The following NKX2-1 variants were observed in gnomAD, a reference collection of about 807,000 sequenced individuals.
The protein encoded by NKX2-1 is homeobox protein Nkx-2.1.
A neutral mutation model predicts 35.1 loss-of-function variants in NKX2-1; 9 were observed. The observed-to-expected ratio is 0.26, with a 90% CI of 0.15 to 0.45. NKX2-1 has a LOEUF of 0.45. NKX2-1 is among the 20% of genes least tolerant of loss of function. The pLI is 1.00. For missense variants in NKX2-1, 509 were observed against 589.1 expected, an observed-to-expected ratio of 0.86 and a Z score of 1.41; for synonymous variants, 284 against 269.9, an observed-to-expected ratio of 1.05 and a Z score of -0.51.
In NKX2-1 at chr14:36,519,160, G is replaced by T; in HGVS notation, c.288C>A (p.Ala96=). 1 of 1,604,956 alleles carries T rather than the reference G, an allele frequency of 6.2e-7. No homozygotes were observed. Among genetic ancestry groups the T allele is most frequent in the East Asian group, 2.2e-5 (1 of 44,588 alleles). Residue 96 remains alanine, a synonymous_variant, in exon 2 of 3, where the codon GCC becomes GCA. Transcript: ENST00000354822. ...CCCCCGCCGCCGTCATGTGGTAGGC[G>T]GCGGTGACGGCGCCGTGGTGCCCCA... ...HAVGHHGAVT[A]AYHMTAAGVP... is the part of the protein sequence containing the mutation.
At position 36,517,094 on chromosome 14, in the gene NKX2-1, G is replaced by T; in HGVS notation, c.*184C>A. ...AAAAAAAAAACCCACAAATTTTAGG[G>T]GGGGAAAAAAAGAAAGACGTCCAGC... On this transcript the variant is annotated 3_prime_UTR_variant, in exon 3 of 3. Coordinates refer to ENST00000354822, the MANE Select transcript of NKX2-1 (RefSeq NM_001079668.3). 1.8e-6 allele frequency: 2 copies of T among 1,107,832 alleles called. No homozygotes were observed. The highest frequency in any genetic ancestry group is 1.2e-6 in the Non-Finnish European group (1 of 830,944). 68.6% of individuals were successfully genotyped at this position (1,107,832 alleles called of 1,614,324 possible).
Position 36,517,493 on chromosome 14 carries a change from C to A in NKX2-1, c.991G>T (p.Ala331Ser). 7.4e-7 allele frequency: 1 copy of A among 1,349,232 alleles called. No individual in the cohort carries two copies. The highest frequency in any genetic ancestry group is 9.5e-7 in the Non-Finnish European group (1 of 1,056,872). The allele number at this position is 1,349,232 out of a possible 1,614,324, so 83.6% of individuals were successfully genotyped here. ...QHQAQAAQAA[A>S]AAISVGSGGA... ...CCGCTGCCCACGGAGATGGCCGCTG[C>A]CGCCGCCTGCGCGGCCTGCGCCTGG... Residue 331 changes from alanine to serine, a missense_variant, in exon 3 of 3, where the codon GCA becomes TCA. Ala to Ser is a moderately conservative substitution (Grantham distance 99, BLOSUM62 1). Coordinates refer to ENST00000354822, the MANE Select transcript of NKX2-1 (RefSeq NM_001079668.3).
At chr14:36,518,133 C>T in intron 2 of NKX2-1, 113 bp from the exon 3 acceptor site, 1 of 1,446,884 alleles carries the variant, frequency 6.9e-7, no homozygotes. Context: ...CCTCCTGACC[C>T]AGGCAGCCTA....
rs141117763 is a variant in NKX2-1 at position 36,517,091 on chromosome 14, A to AGGGTTT, written c.*186_*187insAAACCC. The AGGGTTT allele has an allele frequency of 2.9e-6, 3 of 1,026,192 alleles. No homozygotes were observed. Among genetic ancestry groups the AGGGTTT allele is most frequent in the Non-Finnish European group, 4.0e-6 (3 of 759,258 alleles). The allele number at this position is 1,026,192 out of a possible 1,614,324, so 63.6% of individuals were successfully genotyped here. A position where few individuals can be genotyped will look rare whatever the true frequency, so the allele number is the denominator to read the frequency against. On this transcript the variant is annotated 3_prime_UTR_variant, in exon 3 of 3. Transcript: ENST00000354822. ...TTAAAAAAAAAAACCCACAAATTTT[A>AGGGTTT]GGGGGGGAAAAAAAGAAAGACGTCC... is the stretch of plus-strand genomic sequence containing the variant.
At position 36,519,180 on chromosome 14, in the gene NKX2-1, G is replaced by A. The variant is rs2139412207; in HGVS notation, c.268C>T (p.His90Tyr). The A allele has an allele frequency of 1.2e-6, 2 of 1,603,146 alleles. No homozygotes were observed. Among genetic ancestry groups the A allele is most frequent in the Non-Finnish European group, 1.7e-6 (2 of 1,175,288 alleles). ...TAAMQQHAVG[H>Y]HGAVTAAYHM... is the part of the protein sequence containing the mutation. ...TAGGCGGCGGTGACGGCGCCGTGGT[G>A]CCCCACGGCGTGCTGCTGCATGGCC... Residue 90 changes from histidine to tyrosine, a missense_variant, in exon 2 of 3, where the codon CAC (histidine) becomes TAC (tyrosine). His to Tyr is a moderately conservative substitution (Grantham distance 83). Around this residue, in one of 5 missense-constraint regions of NKX2-1, gnomAD observed 271 missense variants for 284.1 expected, o/e 0.95. Coordinates refer to ENST00000354822, the MANE Select transcript of NKX2-1 (RefSeq NM_001079668.3).
intron 1 of NKX2-1, among the ~76,000 whole-genome samples, 183 bp downstream of exon 1, chr14:36,519,870 G>A (rs896578010): frequency 6.6e-6 from 1 of 152,130 alleles, no homozygotes; most frequent in Non-Finnish European, 1.5e-5. Flanking sequence ...AGCGGGGAGG[G>A]CAGGAGGTGG....
At position 36,516,944 on chromosome 14, in the gene NKX2-1, G is replaced by A; in HGVS notation, c.*334C>T. 1 of 390,450 alleles carries A rather than the reference G, an allele frequency of 2.6e-6. No homozygotes were observed. Among genetic ancestry groups the A allele is most frequent in the South Asian group, 3.1e-5 (1 of 32,314 alleles). 24.2% of individuals were successfully genotyped at this position (390,450 alleles called of 1,614,324 possible). On this transcript the variant is annotated 3_prime_UTR_variant, in exon 3 of 3. Coordinates refer to ENST00000354822, the MANE Select transcript of NKX2-1 (RefSeq NM_001079668.3). Reference sequence around the variant, plus strand: ...CAGAGCCCTCTCCAATCTGTGCCCCGCCCTAGCGTGGAAAACCCATTTGAA... The same window carrying A: ...CAGAGCCCTCTCCAATCTGTGCCCCACCCTAGCGTGGAAAACCCATTTGAA...
At position 36,519,303 on chromosome 14, in the gene NKX2-1, G is replaced by T. The variant is rs776752141; in HGVS notation, c.145C>A (p.Pro49Thr). ...ACTTTCTTGTAGCTTTCCTCCAGGGGACTCAAGATGTCAGACACTGAGAAC... is the reference window on the plus strand; with the variant it reads ...ACTTTCTTGTAGCTTTCCTCCAGGGTACTCAAGATGTCAGACACTGAGAAC... The part of the protein sequence containing the change: ...TPFSVSDILS[P>T]LEESYKKVGM... Residue 49 changes from proline to threonine, a missense_variant, in exon 2 of 3, where the codon CCC (proline) becomes ACC (threonine). Physicochemically the swap from Pro to Thr is conservative, Grantham distance 38. This residue lies in a region of NKX2-1 where 271 missense variants were observed against 284.1 expected (regional missense o/e 0.95). Transcript: ENST00000354822. 3.1e-6 allele frequency: 5 copies of T among 1,613,068 alleles called. No individual in the cohort carries two copies. Among genetic ancestry groups the T allele is most frequent in the Non-Finnish European group, 3.4e-6 (4 of 1,180,016 alleles).
chr14:36,519,504 G>A (rs1462475508), intron 1 of NKX2-1, 134 bp from the exon 2 acceptor site: 4 of 1,539,040 alleles, frequency 2.6e-6, no homozygotes, highest in Non-Finnish European at 3.5e-6. Context: ...ACGTAACGGA[G>A]TGGACCGAGT....
At position 36,517,243 on chromosome 14, in the gene NKX2-1, G is replaced by A. The variant is rs1414502097; in HGVS notation, c.*35C>T. The A allele has an allele frequency of 3.2e-6, 5 of 1,579,282 alleles. No individual in the cohort carries two copies. Among genetic ancestry groups the A allele is most frequent in the South Asian group, 1.2e-5 (1 of 86,102 alleles). On this transcript the variant is annotated 3_prime_UTR_variant, in exon 3 of 3. Coordinates refer to ENST00000354822, the MANE Select transcript of NKX2-1 (RefSeq NM_001079668.3). ...TGGCGGGCAGGAGGGAAGCGGTGAG[G>A]CAGAGCGCTGGGCTAGGGCCGGCCC... is the stretch of plus-strand genomic sequence containing the variant.
At position 36,516,760 on chromosome 14, in the gene NKX2-1, AGT is replaced by A. The variant is rs1231045709; in HGVS notation, c.*516_*517del. On this transcript the variant is annotated 3_prime_UTR_variant, in exon 3 of 3. Transcript: ENST00000354822. ...GGGGAGGGGGCACTTCCTTTGTGTCAGTGACAAGTGGGTTATGTTGAAGACTC... is the reference window on the plus strand; with the variant it reads ...GGGGAGGGGGCACTTCCTTTGTGTCAGACAAGTGGGTTATGTTGAAGACTC... 1 of 232,960 alleles carries A rather than the reference AGT, an allele frequency of 4.3e-6. No individual in the cohort carries two copies. The highest frequency in any genetic ancestry group is 8.5e-6 in the Non-Finnish European group (1 of 117,902). 14.4% of individuals were successfully genotyped at this position (232,960 alleles called of 1,614,324 possible).
chr14:36,517,468 C>T lies in NKX2-1; in HGVS notation c.1016G>A (p.Gly339Asp). The change falls in exon 3 of 3, where the codon GGT (glycine) becomes GAT (aspartate). Residue 339 changes from glycine to aspartate, a missense_variant. Physicochemically the swap from Gly to Asp is moderately conservative, Grantham distance 94 (BLOSUM62 -1). Around this residue, in one of 5 missense-constraint regions of NKX2-1, gnomAD observed 212 missense variants for 227.7 expected, o/e 0.93. Transcript: ENST00000354822. The part of the protein sequence containing the change: ...AAAAAISVGS[G>D]GAGLGAHPGH... ...CGGGTGTGCGCCAAGGCCGGCGCCA[C>T]CGCTGCCCACGGAGATGGCCGCTGC... is the stretch of plus-strand genomic sequence containing the variant. The T allele has an allele frequency of 7.1e-7, 1 of 1,409,138 alleles. No homozygotes were observed. Among genetic ancestry groups the T allele is most frequent in the Admixed American group, 3.2e-5 (1 of 30,964 alleles). The allele number at this position is 1,409,138 out of a possible 1,614,324, so 87.3% of individuals were successfully genotyped here. A position where few individuals can be genotyped will look rare whatever the true frequency, so the allele number is the denominator to read the frequency against.
chr14:36,519,957 T>C, intron 1 of NKX2-1, 96 bp downstream of exon 1: 1 of 1,568,818 alleles, frequency 6.4e-7, no homozygotes, highest in Non-Finnish European at 8.7e-7. Context: ...ACTTGCGGAG[T>C]TACAAAGTGG....
Position 36,516,902 on chromosome 14 carries a change from C to A in NKX2-1, c.*376G>T. On this transcript the variant is annotated 3_prime_UTR_variant, in exon 3 of 3. Transcript: ENST00000354822. ...CAGAGTGAAGTTTGGTCTTTAGAGTCCAGAGCCATGTCAGCACAGAGCCCT... is the reference window on the plus strand; with the variant it reads ...CAGAGTGAAGTTTGGTCTTTAGAGTACAGAGCCATGTCAGCACAGAGCCCT... 1 of 284,354 alleles carries A rather than the reference C, an allele frequency of 3.5e-6. No individual in the cohort carries two copies. The allele number at this position is 284,354 out of a possible 1,614,324, so 17.6% of individuals were successfully genotyped here.
At chr14:36,518,687 T>C (rs888405071) in intron 2 of NKX2-1, among the ~76,000 whole-genome samples, 1 of 152,130 alleles carries the variant, frequency 6.6e-6, no homozygotes, top group Admixed American at 6.5e-5. Context: ...TCGGGGTCGC[T>C]TCCCTTGGCT....
At chr14:36,519,816 C>A in intron 1 of NKX2-1, 1 of 1,384,392 alleles carries the variant, frequency 7.2e-7, no homozygotes, top group Non-Finnish European at 9.5e-7. Flanking sequence ...ACCAGCGGAG[C>A]GCGGGGAGGA....
At chr14:36,518,114 C>T (rs1881134369) in intron 2 of NKX2-1, 94 bp from the exon 3 acceptor site, 1 of 1,516,640 alleles carries the variant, frequency 6.6e-7, no homozygotes. Flanking sequence ...CCGCCCCAAC[C>T]GACGGCGCCC....
At position 36,517,433 on chromosome 14, in the gene NKX2-1, G is replaced by T; in HGVS notation, c.1051C>A (p.Pro351Thr). The change falls in exon 3 of 3, where the codon CCA becomes ACA. Residue 351 changes from proline (P) to threonine (T), a missense_variant. Coordinates refer to ENST00000354822, the MANE Select transcript of NKX2-1 (RefSeq NM_001079668.3). ...AGLGAHPGHQ[P>T]GSAGQSPDLA... Reference sequence around the variant, plus strand: ...TCCGGAGACTGGCCTGCGCTGCCTGGCTGGTGGCCCGGGTGTGCGCCAAGG... The same window carrying T: ...TCCGGAGACTGGCCTGCGCTGCCTGTCTGGTGGCCCGGGTGTGCGCCAAGG... 8 of 1,540,272 alleles carry T rather than the reference G, an allele frequency of 5.2e-6. No homozygotes were observed. The highest frequency in any genetic ancestry group is 1.2e-5 in the South Asian group (1 of 82,790).
intron 2 of NKX2-1, 127 bp from the exon 3 acceptor site, chr14:36,518,147 C>T (rs771008629): frequency 3.3e-5 from 44 of 1,352,892 alleles, no homozygotes; most frequent in Non-Finnish European, 4.4e-5. Context: ...CAGCCTAGCG[C>T]TGGGGCCCAA....
Sources: allele counts gnomAD v4.1 joint callset (sites outside exome capture counted in the v4.1 genomes callset), GRCh38; gene constraint gnomAD v4.1.1; regional missense constraint gnomAD v4.1.1; transcripts MANE v1.5; gene names NCBI Gene and HGNC (gene_info 2026-07-23, HGNC 2026-07-21).